The following ZNF326 variants were observed in gnomAD, a reference collection of about 807,000 sequenced individuals.
ZNF326 encodes the protein DBIRD complex subunit ZNF326.
ZNF326 carries 30 observed loss-of-function variants against 63.1 expected under a neutral mutation model. The observed-to-expected ratio is 0.48, with a 90% CI of 0.36 to 0.64. ZNF326 has a LOEUF of 0.64. Among genes scored for constraint, ZNF326 ranks in the 30% least tolerant of loss-of-function variants. The probability of loss-of-function intolerance (pLI) is 0.00; values close to 1 mark genes in which losing one functional copy is unlikely to be tolerated. For synonymous variants in ZNF326, 194 were observed against 228.2 expected (o/e 0.85, Z 1.35); for missense variants, 609 against 720.3 (o/e 0.85, Z 1.77).
rs182252959 is a variant in ZNF326 at position 90,006,833 on chromosome 1, T to G, written c.210-512T>G. Among the ~76,000 whole-genome samples, 836 of 152,300 alleles carry G rather than the reference T, an allele frequency of 5.5e-3. 1 individual carries two copies. The highest frequency in any genetic ancestry group is 9.2e-3 in the Non-Finnish European group (627 of 68,012). On this transcript the variant is annotated intron_variant, in intron 4 of 11. Transcript: ENST00000340281. ...CAAATTTTGACTCCTACAGACACAA[T>G]GAAGCAGTTTGTGATATAGATTATT...
intron 2 of ZNF326, among the ~76,000 whole-genome samples, chr1:90,000,566 G>C (rs755536151): frequency 6.6e-6 from 1 of 152,094 alleles, no homozygotes; most frequent in Non-Finnish European, 1.5e-5. Context: ...TTAGCCAGGC[G>C]TGGTGGTGCC....
At position 90,010,560 on chromosome 1, in the gene ZNF326, A is replaced by G. The variant is rs1649189262; in HGVS notation, c.814+274A>G. Among the ~76,000 whole-genome samples the G allele has an allele frequency of 2.6e-5, 4 of 152,136 alleles. No individual in the cohort carries two copies. The South Asian group carries it at 8.3e-4, about 31-fold the overall frequency. On this transcript the variant is annotated intron_variant, in intron 6 of 11. Transcript: ENST00000340281. ...AGCTGAGAAAACAGGCACAGAATAG[A>G]TAAATAATTTGCTGCCTAAGTCAAA...
chr1:89,997,090 C>T (rs1648414088), intron 1 of ZNF326, among the ~76,000 whole-genome samples: 1 of 152,206 alleles, frequency 6.6e-6, no homozygotes, highest in Non-Finnish European at 1.5e-5. Context: ...CCCTGTCTCA[C>T]TGCCCAAATA....
At position 90,018,882 on chromosome 1, in the gene ZNF326, C is replaced by G. The variant is rs1232224234; in HGVS notation, c.1174+98C>G. On this transcript the variant is annotated intron_variant, in intron 9 of 11. Coordinates refer to ENST00000340281, the MANE Select transcript of ZNF326 (RefSeq NM_182976.4). ...TGATAGCCACTAGAGTGATATAGTACAGTCATATATACAGTAGCTCTGAGT... is the reference window on the plus strand; with the variant it reads ...TGATAGCCACTAGAGTGATATAGTAGAGTCATATATACAGTAGCTCTGAGT... 6.5e-6 allele frequency: 4 copies of G among 619,422 alleles called. No individual in the cohort carries two copies. The Admixed American group carries it at 1.5e-4, about 23-fold the overall frequency. 38.4% of individuals were successfully genotyped at this position (619,422 alleles called of 1,614,324 possible). A position where few individuals can be genotyped will look rare whatever the true frequency, so the allele number is the denominator to read the frequency against.
chr1:90,027,983 A>C lies in ZNF326; in HGVS notation c.*282A>C. ...ACTTTATTGGTGTTAAGGATAACAA[A>C]TGTGTATTGTTAGTATATCTATTCT... On this transcript the variant is annotated 3_prime_UTR_variant, in exon 12 of 12. Transcript: ENST00000340281. The C allele has an allele frequency of 5.4e-6, 2 of 373,700 alleles. No individual in the cohort carries two copies. The highest frequency in any genetic ancestry group is 9.6e-6 in the Non-Finnish European group (2 of 207,696). 23.1% of individuals were successfully genotyped at this position (373,700 alleles called of 1,614,324 possible).
chr1:90,011,964 G>C (rs1209790028), intron 6 of ZNF326, among the ~76,000 whole-genome samples: 1 of 152,160 alleles, frequency 6.6e-6, no homozygotes, highest in Non-Finnish European at 1.5e-5. Context: ...AGCCTCCTGA[G>C]TAGCTGGGAC....
chr1:90,005,452 A>G, intron 4 of ZNF326: 1 of 1,297,522 alleles, frequency 7.7e-7, no homozygotes, highest in East Asian at 3.1e-5. Flanking sequence ...ACACCAGATA[A>G]CTATATCATG....
intron 4 of ZNF326, 101 bp downstream of exon 4, chr1:90,005,345 C>T: frequency 6.7e-7 from 1 of 1,486,638 alleles, no homozygotes; most frequent in Non-Finnish European, 8.9e-7. Flanking sequence ...TTGAACTTCA[C>T]TGTTTGCTAT....
rs1177613544 is a variant in ZNF326, at chr1:89,997,607, C to T, written c.17-503C>T. On this transcript the variant is annotated intron_variant, in intron 1 of 11. Transcript: ENST00000340281. ...CGGGCTGGTCTCGAACTCCTGACCT[C>T]GTGACCCGCCCACCTCACCTTCCCA... Among the ~76,000 whole-genome samples the T allele has an allele frequency of 5.3e-5, 8 of 152,146 alleles. No individual in the cohort carries two copies. The South Asian group carries it at 1.0e-3, about 20-fold the overall frequency.
intron 11 of ZNF326, among the ~76,000 whole-genome samples, chr1:90,023,567 A>G (rs1345115375): frequency 6.6e-6 from 1 of 152,170 alleles, no homozygotes; most frequent in Non-Finnish European, 1.5e-5. Context: ...CTTTAAAAAA[A>G]TGAATGCAGC....
At chr1:90,003,874 T>C (rs1415865069) in intron 2 of ZNF326, among the ~76,000 whole-genome samples, 1 of 152,148 alleles carries the variant, frequency 6.6e-6, no homozygotes, top group Non-Finnish European at 1.5e-5. Context: ...AAAGTTGTTA[T>C]TGTTGTCATT....
At chr1:89,999,337 A>AGAGGGGGAGGGGAAGAGG in intron 2 of ZNF326, among the ~76,000 whole-genome samples, 1 of 142,126 alleles carries the variant, frequency 7.0e-6, no homozygotes, top group East Asian at 2.2e-4. Context: ...TTTACAAGGG[A>AGAGGGGGAGGGGAAGAGG]GAGGGGGAGG....
Position 90,007,482 on chromosome 1 carries a change from G to T in ZNF326, c.347G>T (p.Arg116Leu). The change falls in exon 5 of 12, where the codon CGG becomes CTG. Residue 116 changes from arginine (R) to leucine (L), a missense_variant. Arg to Leu is a moderately radical substitution (Grantham distance 102, BLOSUM62 -2). Transcript: ENST00000340281. The surrounding 1 kb of genome is among the most constrained non-coding windows in gnomAD (Gnocchi z 4.9). Reference sequence around the variant, plus strand: ...GGTGGTCGATTTGAGAGCTCCTACCGGAATAGCCTTGACTCTTTCGGAGGT... The same window carrying T: ...GGTGGTCGATTTGAGAGCTCCTACCTGAATAGCCTTGACTCTTTCGGAGGT... Reference protein sequence around the residue: ...SYGGRFESSYRNSLDSFGGRN... With the variant: ...SYGGRFESSYLNSLDSFGGRN... 1 of 1,614,076 alleles carries T rather than the reference G, an allele frequency of 6.2e-7. No individual in the cohort carries two copies. Among genetic ancestry groups the T allele is most frequent in the Non-Finnish European group, 8.5e-7 (1 of 1,180,014 alleles).
At chr1:90,013,828 C>G (rs1649366713) in intron 7 of ZNF326, among the ~76,000 whole-genome samples, 1 of 151,834 alleles carries the variant, frequency 6.6e-6, no homozygotes, top group South Asian at 2.1e-4. Flanking sequence ...CTTTGGGAGG[C>G]CGAGGCGGGC....
rs892895642 is a variant in ZNF326 at position 90,027,840 on chromosome 1, C to G, written c.*139C>G. The G allele has an allele frequency of 1.3e-6, 1 of 770,598 alleles. No individual in the cohort carries two copies. The highest frequency in any genetic ancestry group is 2.0e-6 in the Non-Finnish European group (1 of 498,986). 47.7% of individuals were successfully genotyped at this position (770,598 alleles called of 1,614,324 possible). A position where few individuals can be genotyped will look rare whatever the true frequency, so the allele number is the denominator to read the frequency against. The stretch of plus-strand genomic sequence containing the variant: ...TATTAAAATTTGTTTTATATAATTT[C>G]TAAATGTTTAACATTTGTTTAATAA... On this transcript the variant is annotated 3_prime_UTR_variant, in exon 12 of 12. Transcript: ENST00000340281.
intron 2 of ZNF326, among the ~76,000 whole-genome samples, chr1:90,003,048 G>A (rs1425388258): frequency 2.0e-5 from 3 of 151,572 alleles, no homozygotes; most frequent in African/African-American, 7.3e-5. Context: ...AAATTCTAAT[G>A]TTCACTTGAA....
chr1:90,000,606 G>T (rs2101051226), intron 2 of ZNF326, among the ~76,000 whole-genome samples: 1 of 152,288 alleles, frequency 6.6e-6, no homozygotes, highest in Non-Finnish European at 1.5e-5. Context: ...TCCAGAGGCT[G>T]AGATGGGAGG....
At chr1:90,003,412 G>A (rs1648795826) in intron 2 of ZNF326, among the ~76,000 whole-genome samples, 2 of 152,148 alleles carry the variant, frequency 1.3e-5, no homozygotes, top group African/African-American at 2.4e-5. Flanking sequence ...GATTACAGGC[G>A]TGAGCCACCG....
At chr1:90,006,379 G>A (rs1313959319) in intron 4 of ZNF326, 2 of 982,930 alleles carry the variant, frequency 2.0e-6, no homozygotes, top group African/African-American at 1.7e-5. Flanking sequence ...AGCTATATCC[G>A]TAGATGTTAT....
Sources: allele counts gnomAD v4.1 joint callset (sites outside exome capture counted in the v4.1 genomes callset), GRCh38; gene constraint gnomAD v4.1.1; non-coding constraint Gnocchi (gnomAD v3.1); transcripts MANE v1.5; gene names NCBI Gene and HGNC (gene_info 2026-07-23, HGNC 2026-07-21).